Variants in BRD7 observed in about 807,000 individuals in gnomAD.
BRD7 encodes the protein bromodomain containing 7.
A neutral mutation model predicts 82.1 loss-of-function variants in BRD7; 15 were observed. The observed-to-expected ratio is 0.18, with a 90% CI of 0.12 to 0.28. The LOEUF is 0.28. Ranked by LOEUF, BRD7 falls within the 10% of genes least tolerant of loss-of-function variation. The pLI is 1.00. For synonymous variants in BRD7, 232 were observed against 266.9 expected, an observed-to-expected ratio of 0.87 and a Z score of 1.27; for missense variants, 638 against 779.9, an observed-to-expected ratio of 0.82 and a Z score of 2.17.
intron 9 of BRD7, 113 bp downstream of exon 9, chr16:50,328,556 C>A: frequency 1.2e-6 from 1 of 821,674 alleles, no homozygotes; most frequent in Non-Finnish European, 1.9e-6. Flanking sequence ...ATCCTTTGTG[C>A]ATAATGACAC....
At chr16:50,321,755 T>C (rs975133190) in intron 13 of BRD7, among the ~76,000 whole-genome samples, 2 of 152,162 alleles carry the variant, frequency 1.3e-5, no homozygotes, top group African/African-American at 2.4e-5. Flanking sequence ...TTGATCCACC[T>C]GATTTCTCTA....
chr16:50,359,281 T>C (rs1373249825), intron 2 of BRD7, among the ~76,000 whole-genome samples: 1 of 152,218 alleles, frequency 6.6e-6, no homozygotes, highest in Non-Finnish European at 1.5e-5. Context: ...ATGATATGGA[T>C]AAACTATGTA....
chr16:50,349,370 A>G (rs963945621), intron 5 of BRD7: 54 of 339,732 alleles, frequency 1.6e-4, no homozygotes, highest in Non-Finnish European at 1.3e-4. Flanking sequence ...CGTTGTGCAC[A>G]TGTACCCTAG....
chr16:50,345,236 C>T (rs4027482), intron 5 of BRD7, among the ~76,000 whole-genome samples: 26,386 of 152,114 alleles, frequency 0.17, 3,009 homozygotes, highest in East Asian at 0.49. Flanking sequence ...TTTGTCATCA[C>T]CAGGCCTGTC....
At position 50,368,284 on chromosome 16, in the gene BRD7, G is replaced by A. The variant is rs746497417; in HGVS notation, c.64C>T (p.Pro22Ser). Reference sequence around the variant, plus strand: ...CCTACTTTGAGGACCAGCTTCAAGGGCTTCTCTACATACTCTTAAAAAAAG... The same window carrying A: ...CCTACTTTGAGGACCAGCTTCAAGGACTTCTCTACATACTCTTAAAAAAAG... ...KHLYEEYVEK[P>S]LKLVLKVGGN... The change falls in exon 2 of 17, where the codon CCC (proline) becomes TCC (serine). Residue 22 changes from proline to serine, a missense_variant. Around this residue, in one of 3 missense-constraint regions of BRD7, gnomAD observed 172 missense variants for 155.3 expected, o/e 1.11. Transcript: ENST00000394688. The A allele has an allele frequency of 2.5e-6, 4 of 1,614,088 alleles. No individual in the cohort carries two copies. The highest frequency in any genetic ancestry group is 1.1e-5 in the South Asian group (1 of 91,080).
At chr16:50,367,062 G>A (rs1186263004) in intron 2 of BRD7, among the ~76,000 whole-genome samples, 3 of 152,180 alleles carry the variant, frequency 2.0e-5, no homozygotes, top group Admixed American at 1.3e-4. Flanking sequence ...AAGACTTGGT[G>A]ACTTAGCAAT....
rs982868785 is a variant in BRD7, at chr16:50,364,202, A to G, written c.258+3888T>C. On this transcript the variant is annotated intron_variant, in intron 2 of 16. Transcript: ENST00000394688. ...AAAAATGTTTTGAAAGGAAAAGGAC[A>G]TCCTTTGTCCTCCATCCAGCTCCAT... Among the ~76,000 whole-genome samples the G allele has an allele frequency of 5.3e-5, 8 of 152,196 alleles. 1 individual carries two copies. Among genetic ancestry groups the G allele is most frequent in the Admixed American group, 4.6e-4 (7 of 15,282 alleles).
At position 50,333,580 on chromosome 16, in the gene BRD7, G is replaced by A; in HGVS notation, c.1005C>T (p.Asn335=). 2 of 1,611,816 alleles carry A rather than the reference G, an allele frequency of 1.2e-6. No homozygotes were observed. The highest frequency in any genetic ancestry group is 1.7e-6 in the Non-Finnish European group (2 of 1,179,784). ...AAAGGCAAAGCTCAATCACCTGACTGTTCACAAGCCGCCTGGTCAGCTTTC... is the reference window on the plus strand; with the variant it reads ...AAAGGCAAAGCTCAATCACCTGACTATTCACAAGCCGCCTGGTCAGCTTTC... ...SGGKLTRRLV[N]SQCEFERRKP... The change falls in exon 8 of 17, where the codon AAC becomes AAT. Residue 335 remains asparagine (N), a synonymous_variant. Transcript: ENST00000394688.
intron 2 of BRD7, among the ~76,000 whole-genome samples, chr16:50,359,642 G>A (rs1044087556): frequency 2.8e-4 from 42 of 152,122 alleles, no homozygotes; most frequent in Non-Finnish European, 1.5e-4. Flanking sequence ...AAATAAACAT[G>A]TTTACAACTA....
chr16:50,360,327 T>A (rs1312202166), intron 2 of BRD7, among the ~76,000 whole-genome samples: 1 of 152,212 alleles, frequency 6.6e-6, no homozygotes, highest in African/African-American at 2.4e-5. Flanking sequence ...GTCCTTCAGG[T>A]TGGTTACTTT....
intron 6 of BRD7, among the ~76,000 whole-genome samples, chr16:50,339,418 T>C (rs1421091000): frequency 6.6e-6 from 1 of 152,248 alleles, no homozygotes; most frequent in Non-Finnish European, 1.5e-5. Flanking sequence ...CTATACAGCA[T>C]GTTACCATAC....
intron 5 of BRD7, among the ~76,000 whole-genome samples, chr16:50,345,325 T>A (rs1482595067): frequency 6.6e-6 from 1 of 152,118 alleles, no homozygotes; most frequent in East Asian, 1.9e-4. Flanking sequence ...GGCCAAATTG[T>A]AAAGACCATC....
At chr16:50,355,506 C>T (rs887037467) in intron 2 of BRD7, among the ~76,000 whole-genome samples, 1 of 152,184 alleles carries the variant, frequency 6.6e-6, no homozygotes, top group Non-Finnish European at 1.5e-5. Context: ...GTCTGACACA[C>T]AGACAAATAA....
chr16:50,334,742 C>G lies in BRD7; in HGVS notation c.856G>C (p.Ala286Pro), dbSNP rs892698215. 6.2e-7 allele frequency: 1 copy of G among 1,613,770 alleles called. No homozygotes were observed. The highest frequency in any genetic ancestry group is 1.3e-5 in the African/African-American group (1 of 74,894). ...REDSGDAEAH[A>P]FKSPSKENKK... is the part of the protein sequence containing the mutation. Reference sequence around the variant, plus strand: ...TTTTCTTTGCTGGGACTCTTGAAGGCGTGTGCTTCGGCATCTCCAGAGTCC... The same window carrying G: ...TTTTCTTTGCTGGGACTCTTGAAGGGGTGTGCTTCGGCATCTCCAGAGTCC... Residue 286 changes from alanine (A) to proline (P), a missense_variant, in exon 7 of 17, where the codon GCC becomes CCC. Transcript: ENST00000394688.
chr16:50,355,475 C>A (rs1046688091), intron 2 of BRD7, among the ~76,000 whole-genome samples: 10 of 152,138 alleles, frequency 6.6e-5, no homozygotes, highest in African/African-American at 2.4e-4. Flanking sequence ...ATTTGTATAA[C>A]GTGATAATAA....
At chr16:50,341,933 C>CACAA (rs2038076947) in intron 5 of BRD7, among the ~76,000 whole-genome samples, 1 of 106,506 alleles carries the variant, frequency 9.4e-6, no homozygotes, top group Non-Finnish European at 2.3e-5. Context: ...ACTTTTCACA[C>CACAA]ACACACACAC....
intron 5 of BRD7, among the ~76,000 whole-genome samples, chr16:50,346,089 C>T (rs1183866889): frequency 2.6e-5 from 4 of 152,198 alleles, no homozygotes; most frequent in African/African-American, 9.7e-5. Context: ...ACAGTGCAAT[C>T]AAACTAGAAC....
At position 50,341,934 on chromosome 16, in the gene BRD7, A is replaced by ACACACACACACACT. The variant is rs2038077190; in HGVS notation, c.592-1849_592-1848insAGTGTGTGTGTGTG. Among the ~76,000 whole-genome samples the ACACACACACACACT allele has an allele frequency of 2.1e-5, 3 of 142,148 alleles. No homozygotes were observed. The South Asian group carries it at 6.5e-4, about 31-fold the overall frequency. The allele number at this position is 142,148 out of a possible 152,430, so 93.3% of individuals were successfully genotyped here. On this transcript the variant is annotated intron_variant, in intron 5 of 16. Coordinates refer to ENST00000394688, the MANE Select transcript of BRD7 (RefSeq NM_013263.5). ...GAGTCTTCCTGCACACTTTTCACAC[A>ACACACACACACACT]CACACACACACACACACACACACAC...
chr16:50,333,544 T>C (rs773774037), intron 8 of BRD7, 30 bp downstream of exon 8: 8 of 1,601,350 alleles, frequency 5.0e-6, no homozygotes, highest in South Asian at 4.5e-5. Context: ...AATCAGTAGG[T>C]AGAGAAAAGA....
Sources: allele counts gnomAD v4.1 joint callset (sites outside exome capture counted in the v4.1 genomes callset), GRCh38; gene constraint gnomAD v4.1.1; regional missense constraint gnomAD v4.1.1; transcripts MANE v1.5; gene names NCBI Gene and HGNC (gene_info 2026-07-23, HGNC 2026-07-21).